Variants in IMMP2L observed in about 807,000 individuals in gnomAD.
The protein encoded by IMMP2L is inner mitochondrial membrane peptidase subunit 2.
IMMP2L carries 18 observed loss-of-function variants against 19.3 expected under a neutral mutation model. That is an observed-to-expected ratio of 0.93 (90% CI 0.64 to 1.38). The LOEUF is 1.38. IMMP2L is among the 40% of genes most tolerant of loss of function. The pLI is 0.00. For missense variants in IMMP2L, 233 were observed against 218.2 expected (o/e 1.07, Z -0.43); for synonymous variants, 76 against 73.0 (o/e 1.04, Z -0.21).
intron 5 of IMMP2L, among the ~76,000 whole-genome samples, chr7:110,795,351 T>C (rs1374877347): frequency 6.6e-6 from 1 of 152,104 alleles, no homozygotes; most frequent in Non-Finnish European, 1.5e-5. Flanking sequence ...AAAGCAAGAT[T>C]GGTGTTTTAA....
intron 3 of IMMP2L, among the ~76,000 whole-genome samples, chr7:111,039,282 A>T (rs995920840): frequency 6.6e-6 from 1 of 152,240 alleles, no homozygotes; most frequent in Non-Finnish European, 1.5e-5. Flanking sequence ...TCAGTTATTC[A>T]AATGACAACT....
intron 5 of IMMP2L, among the ~76,000 whole-genome samples, chr7:110,808,464 T>C (rs1247270018): frequency 6.6e-6 from 1 of 152,072 alleles, no homozygotes; most frequent in Non-Finnish European, 1.5e-5. Flanking sequence ...AGGCTAATTG[T>C]GTCTTCTGAG....
intron 3 of IMMP2L, among the ~76,000 whole-genome samples, chr7:111,364,311 T>C (rs570137838): frequency 1.3e-5 from 2 of 152,240 alleles, no homozygotes; most frequent in African/African-American, 4.8e-5. Context: ...CATCTGCTAG[T>C]TATCATTTTA....
chr7:111,149,825 T>C (rs575812177), intron 3 of IMMP2L, among the ~76,000 whole-genome samples: 1 of 152,246 alleles, frequency 6.6e-6, no homozygotes, highest in South Asian at 2.1e-4. Flanking sequence ...ATGATGTATA[T>C]GAAAAAGTGG....
chr7:111,130,592 G>A (rs898462758), intron 3 of IMMP2L, among the ~76,000 whole-genome samples: 4 of 152,056 alleles, frequency 2.6e-5, no homozygotes, highest in Admixed American at 6.6e-5. Flanking sequence ...AATGGAGTGA[G>A]CTTGGAACAT....
At chr7:111,197,340 G>A (rs962043971) in intron 3 of IMMP2L, among the ~76,000 whole-genome samples, 1 of 152,042 alleles carries the variant, frequency 6.6e-6, no homozygotes, top group Non-Finnish European at 1.5e-5. Flanking sequence ...GCGGGCGCCT[G>A]TAGTCCCAGC....
At chr7:111,532,278 T>C (rs1847463725) in intron 1 of IMMP2L, among the ~76,000 whole-genome samples, 1 of 152,260 alleles carries the variant, frequency 6.6e-6, no homozygotes, top group Middle Eastern at 3.4e-3. Flanking sequence ...TATCTGACAC[T>C]GCTTCATATT....
intron 3 of IMMP2L, among the ~76,000 whole-genome samples, chr7:111,077,568 T>A (rs2129575981): frequency 6.6e-6 from 1 of 152,338 alleles, no homozygotes; most frequent in South Asian, 2.1e-4. Flanking sequence ...TCTCTTCAGC[T>A]ATCAGGGAAG....
At chr7:111,329,989 G>T (rs1464048323) in intron 3 of IMMP2L, among the ~76,000 whole-genome samples, 1 of 151,814 alleles carries the variant, frequency 6.6e-6, no homozygotes, top group East Asian at 1.9e-4. Flanking sequence ...GGCAAGAACA[G>T]TGGCAAAACA....
At chr7:110,744,941 TAAC>T (rs1797235134) in intron 5 of IMMP2L, among the ~76,000 whole-genome samples, 1 of 152,082 alleles carries the variant, frequency 6.6e-6, no homozygotes, top group Non-Finnish European at 1.5e-5. Flanking sequence ...AGATGGGTAA[TAAC>T]AAACTCCTCT....
chr7:111,184,719 C>T (rs1022479695), intron 3 of IMMP2L, among the ~76,000 whole-genome samples: 1 of 151,922 alleles, frequency 6.6e-6, no homozygotes, highest in African/African-American at 2.4e-5. Flanking sequence ...CCAGACACTG[C>T]CACTCAGAGG....
intron 3 of IMMP2L, among the ~76,000 whole-genome samples, chr7:111,386,178 T>A (rs1344746047): frequency 2.0e-5 from 3 of 152,026 alleles, no homozygotes; most frequent in African/African-American, 7.2e-5. Flanking sequence ...ACTCCCAGCC[T>A]GCTCCACATG....
chr7:111,165,450 G>A (rs1442556760), intron 3 of IMMP2L, among the ~76,000 whole-genome samples: 1 of 151,978 alleles, frequency 6.6e-6, no homozygotes, highest in Non-Finnish European at 1.5e-5. Context: ...AAGTGGAATT[G>A]CTGGATCACA....
chr7:111,279,932 T>C (rs1239002850), intron 3 of IMMP2L, among the ~76,000 whole-genome samples: 2 of 152,148 alleles, frequency 1.3e-5, no homozygotes, highest in Non-Finnish European at 2.9e-5. Flanking sequence ...TCTCCATCTT[T>C]AATGCTGACT....
intron 3 of IMMP2L, among the ~76,000 whole-genome samples, chr7:111,061,752 C>T (rs73201061): frequency 6.6e-6 from 1 of 151,734 alleles, no homozygotes; most frequent in Non-Finnish European, 1.5e-5. Flanking sequence ...ACAGTTCAGC[C>T]AAAGTAATAT....
intron 1 of IMMP2L, among the ~76,000 whole-genome samples, chr7:111,544,410 A>C (rs1848738915): frequency 6.6e-6 from 1 of 152,168 alleles, no homozygotes; most frequent in African/African-American, 2.4e-5. Context: ...AAAATTAAGT[A>C]TGGCTCCTAC....
At chr7:111,010,938 G>C (rs1315561689) in intron 3 of IMMP2L, among the ~76,000 whole-genome samples, 1 of 114,694 alleles carries the variant, frequency 8.7e-6, no homozygotes. Context: ...ATCAGAGCTG[G>C]ACAAAAAAAA....
intron 3 of IMMP2L, among the ~76,000 whole-genome samples, chr7:111,381,022 T>C (rs1831150087): frequency 6.6e-6 from 1 of 151,982 alleles, no homozygotes; most frequent in African/African-American, 2.4e-5. Flanking sequence ...TAAATAGATC[T>C]GAGAATAAAG....
intron 3 of IMMP2L, among the ~76,000 whole-genome samples, chr7:111,063,737 A>C (rs1794238807): frequency 6.6e-6 from 1 of 152,186 alleles, no homozygotes; most frequent in Non-Finnish European, 1.5e-5. Context: ...GCAGGGCAAA[A>C]TGCCACCAGT....
Sources: gnomAD v4.1 joint callset for allele counts (sites outside exome capture counted in the v4.1 genomes callset) on GRCh38, gnomAD v4.1.1 for gene constraint, MANE v1.5 for transcripts, NCBI Gene and HGNC (gene_info 2026-07-23, HGNC 2026-07-21) for gene names.